ERI3: variants seen among roughly 807,000 people sequenced by gnomAD.
The protein encoded by ERI3 is ERI1 exoribonuclease family member 3.
A neutral mutation model predicts 44.4 loss-of-function variants in ERI3; 18 were observed. The ratio of observed to expected loss-of-function variants is 0.41; its 90% CI spans 0.28 to 0.60. The LOEUF is 0.60. Ranked by LOEUF, ERI3 falls within the 20% of genes least tolerant of loss-of-function variation. The pLI is 0.36. For synonymous variants in ERI3, 183 were observed against 164.8 expected (o/e 1.11, Z -0.84); for missense variants, 294 against 435.5 (o/e 0.68, Z 2.89).
chr1:44,337,347 GAAGA>G (rs1424903844), intron 3 of ERI3, among the ~76,000 whole-genome samples: 4 of 152,166 alleles, frequency 2.6e-5, no homozygotes, highest in African/African-American at 9.7e-5. Context: ...GACTGAAATA[GAAGA>G]AATAATATGA....
chr1:44,347,593 T>C (rs1646810195), intron 2 of ERI3, among the ~76,000 whole-genome samples: 1 of 152,234 alleles, frequency 6.6e-6, no homozygotes. Flanking sequence ...TGGCTTTCTC[T>C]GACACTCCAT....
In ERI3 at chr1:44,222,857, G is replaced by A. The variant is rs182636323; in HGVS notation, c.932-1217C>T. On this transcript the variant is annotated intron_variant, in intron 8 of 8. Transcript: ENST00000372257. ...CATCAATGTCATAATCAAGTGTGGG[G>A]GGGTATTAAGGTCAAGGTGGGGTCA... Among the ~76,000 whole-genome samples, 460 of 152,338 alleles carry A rather than the reference G, an allele frequency of 3.0e-3. 2 individuals carry two copies. Among genetic ancestry groups the A allele is most frequent in the African/African-American group, 0.01 (434 of 41,572 alleles).
chr1:44,313,395 G>A (rs1482382367), intron 4 of ERI3, among the ~76,000 whole-genome samples, 167 bp from the exon 5 acceptor site: 2 of 152,082 alleles, frequency 1.3e-5, no homozygotes, highest in Non-Finnish European at 2.9e-5. Context: ...AAAGTCCCAG[G>A]ACCCAGGACA....
chr1:44,318,956 G>A (rs913342253), intron 4 of ERI3, among the ~76,000 whole-genome samples: 2 of 152,216 alleles, frequency 1.3e-5, no homozygotes, highest in African/African-American at 4.8e-5. Flanking sequence ...GTTAGAACTT[G>A]CAGGGGCTCC....
chr1:44,296,879 GGAAGAAGA>G (rs1645621946), intron 6 of ERI3, among the ~76,000 whole-genome samples: 1 of 152,178 alleles, frequency 6.6e-6, no homozygotes, highest in African/African-American at 2.4e-5. Context: ...TCAGGGTGGT[GGAAGAAGA>G]GAGTGTTTGA....
intron 8 of ERI3, among the ~76,000 whole-genome samples, chr1:44,233,870 C>T (rs1034213354): frequency 2.0e-5 from 3 of 152,206 alleles, no homozygotes; most frequent in Admixed American, 6.5e-5. Context: ...ATTTCCTCAT[C>T]TCCCACCTTG....
At position 44,320,502 on chromosome 1, in the gene ERI3, C is replaced by T. The variant is rs192857701; in HGVS notation, c.490-758G>A. Among the ~76,000 whole-genome samples, 15 of 152,230 alleles carry T rather than the reference C, an allele frequency of 9.9e-5. 1 individual carries two copies. The East Asian group carries it at 1.2e-3, about 12-fold the overall frequency. ...CTGGTGTGCAAACAGGCTTGCAGAA[C>T]GCTGGCTGTGCAGCACGCCTCATAC... is the stretch of plus-strand genomic sequence containing the variant. On this transcript the variant is annotated intron_variant, in intron 3 of 8. Coordinates refer to ENST00000372257, the MANE Select transcript of ERI3 (RefSeq NM_024066.3).
chr1:44,297,139 T>TGG (rs1645627492), intron 6 of ERI3, among the ~76,000 whole-genome samples: 1 of 152,156 alleles, frequency 6.6e-6, no homozygotes, highest in African/African-American at 2.4e-5. Flanking sequence ...CTGGGCTGGC[T>TGG]GGCTTTCTTC....
chr1:44,314,423 T>A (rs993401410), intron 4 of ERI3, among the ~76,000 whole-genome samples: 1 of 152,194 alleles, frequency 6.6e-6, no homozygotes, highest in African/African-American at 2.4e-5. Flanking sequence ...TTCCAGAAAC[T>A]GTTTTTATAT....
intron 7 of ERI3, among the ~76,000 whole-genome samples, chr1:44,259,699 C>T (rs982847585): frequency 6.6e-6 from 1 of 150,776 alleles, no homozygotes; most frequent in African/African-American, 2.4e-5. Flanking sequence ...GACACACACA[C>T]ACACACACAC....
At position 44,221,197 on chromosome 1, in the gene ERI3, T is replaced by G; in HGVS notation, c.*361A>C. 3.0e-6 allele frequency: 1 copy of G among 332,994 alleles called. No homozygotes were observed. 20.6% of individuals were successfully genotyped at this position (332,994 alleles called of 1,614,324 possible). On this transcript the variant is annotated 3_prime_UTR_variant, in exon 9 of 9. Transcript: ENST00000372257. This position sits in a 1 kb window ranked among gnomAD's most constrained non-coding sequence, Gnocchi z 5.9. ...GGAGCCCTGGGGGCACCACACACCA[T>G]GCACTATGGATGGGAGGGGGCACAG...
chr1:44,283,952 C>G, intron 7 of ERI3: 1 of 468,078 alleles, frequency 2.1e-6, no homozygotes, highest in Non-Finnish European at 4.4e-6. Context: ...CCCCCTTGAC[C>G]TCTCTCTTCT....
At chr1:44,273,697 G>A (rs1645129344) in intron 7 of ERI3, among the ~76,000 whole-genome samples, 1 of 152,172 alleles carries the variant, frequency 6.6e-6, no homozygotes, top group Non-Finnish European at 1.5e-5. Context: ...ACAAAGTTCT[G>A]AAGCCATACA....
rs1319717971 is a variant in ERI3 at position 44,355,146 on chromosome 1, A to G, written c.-120T>C. Reference sequence around the variant, plus strand: ...GCGGCGGCGGGCGCGGCCCGCGCCGACTGCGGCGCCGGCCAGGCAGAGGCA... The same window carrying G: ...GCGGCGGCGGGCGCGGCCCGCGCCGGCTGCGGCGCCGGCCAGGCAGAGGCA... On this transcript the variant is annotated 5_prime_UTR_variant, in exon 1 of 9. Coordinates refer to ENST00000372257, the MANE Select transcript of ERI3 (RefSeq NM_024066.3). 2 of 1,219,272 alleles carry G rather than the reference A, an allele frequency of 1.6e-6. No homozygotes were observed. Among genetic ancestry groups the G allele is most frequent in the Non-Finnish European group, 2.0e-6 (2 of 976,476 alleles). 75.5% of individuals were successfully genotyped at this position (1,219,272 alleles called of 1,614,324 possible). A position where few individuals can be genotyped will look rare whatever the true frequency, so the allele number is the denominator to read the frequency against.
chr1:44,303,018 A>G (rs1486551604), intron 6 of ERI3, among the ~76,000 whole-genome samples: 1 of 152,270 alleles, frequency 6.6e-6, no homozygotes, highest in Non-Finnish European at 1.5e-5. Flanking sequence ...AAACAGCACA[A>G]TAGGGCTCCT....
chr1:44,338,790 G>A (rs1378182598), intron 3 of ERI3, among the ~76,000 whole-genome samples: 2 of 152,034 alleles, frequency 1.3e-5, no homozygotes, highest in African/African-American at 4.8e-5. Context: ...AAGGAAGGAC[G>A]GGAGAAGGAA....
chr1:44,225,241 A>G (rs1309763064), intron 8 of ERI3, among the ~76,000 whole-genome samples: 2 of 152,172 alleles, frequency 1.3e-5, no homozygotes, highest in Non-Finnish European at 2.9e-5. Flanking sequence ...GAGGCCTCCA[A>G]GAGGCCTCTA....
At chr1:44,276,250 G>A (rs1645179251) in intron 7 of ERI3, among the ~76,000 whole-genome samples, 1 of 152,172 alleles carries the variant, frequency 6.6e-6, no homozygotes, top group Non-Finnish European at 1.5e-5. Context: ...GATCTGGAGA[G>A]GACAAACATC....
chr1:44,328,234 C>T (rs12068814), intron 3 of ERI3, among the ~76,000 whole-genome samples: 7,949 of 115,512 alleles, frequency 0.069, 319 homozygotes, highest in Middle Eastern at 0.26. Context: ...CCCCCACCCC[C>T]GCAATGCACT....
Sources: allele counts gnomAD v4.1 joint callset (sites outside exome capture counted in the v4.1 genomes callset), GRCh38; gene constraint gnomAD v4.1.1; non-coding constraint Gnocchi (gnomAD v3.1); transcripts MANE v1.5; gene names NCBI Gene and HGNC (gene_info 2026-07-23, HGNC 2026-07-21).